KDF1: variants seen among roughly 807,000 people sequenced by gnomAD.
KDF1 encodes the protein keratinocyte differentiation factor 1, also known as RP11-344H11.3.
A neutral mutation model predicts 31.6 loss-of-function variants in KDF1; 11 were observed. That is an observed-to-expected ratio of 0.35 (90% CI 0.22 to 0.58). KDF1 has a LOEUF of 0.58. KDF1 is among the 20% of genes least tolerant of loss of function. The pLI is 0.83. For missense variants in KDF1, 476 were observed against 549.1 expected (o/e 0.87, Z 1.33); for synonymous variants, 205 against 214.4 (o/e 0.96, Z 0.38).
Position 26,950,262 on chromosome 1 carries a change from G to T in KDF1, c.1115-111C>A. 1 of 1,002,064 alleles carries T rather than the reference G, an allele frequency of 1.0e-6. No individual in the cohort carries two copies. Among genetic ancestry groups the T allele is most frequent in the Admixed American group, 1.9e-5 (1 of 52,412 alleles). 62.1% of individuals were successfully genotyped at this position (1,002,064 alleles called of 1,614,324 possible). A position where few individuals can be genotyped will look rare whatever the true frequency, so the allele number is the denominator to read the frequency against. ...AGGAGCAGAGTGGGACTTGAGCCTG[G>T]GTCAGTCTGATCCTGGCTGGATGAC... On this transcript the variant is annotated intron_variant, in intron 3 of 3. Transcript: ENST00000320567. This position sits in a 1 kb window ranked among gnomAD's most constrained non-coding sequence, Gnocchi z 4.0.
At chr1:26,954,864 C>CT (rs1253011497) in intron 1 of KDF1, among the ~76,000 whole-genome samples, 90 of 133,728 alleles carry the variant, frequency 6.7e-4, no homozygotes, top group East Asian at 1.8e-3. Flanking sequence ...AATAAGTTAC[C>CT]TTTTTTTTTT....
intron 1 of KDF1, among the ~76,000 whole-genome samples, chr1:26,959,740 C>T (rs2124166550): frequency 6.6e-6 from 1 of 152,244 alleles, no homozygotes; most frequent in African/African-American, 2.4e-5. Flanking sequence ...AGGACAGGCC[C>T]GGCCGCACCA....
chr1:26,959,701 A>G (rs1377536740), intron 1 of KDF1, among the ~76,000 whole-genome samples: 1 of 151,582 alleles, frequency 6.6e-6, no homozygotes, highest in Non-Finnish European at 1.5e-5. Context: ...TCAAGGGTCT[A>G]TGTACCGTCC....
intron 1 of KDF1, among the ~76,000 whole-genome samples, chr1:26,957,664 T>A (rs2082383022): frequency 6.6e-6 from 1 of 152,116 alleles, no homozygotes; most frequent in African/African-American, 2.4e-5. Flanking sequence ...CCAAATAAAA[T>A]TCTAACAGGT....
chr1:26,952,697 T>C lies in KDF1; in HGVS notation c.-32-285A>G, dbSNP rs1214579907. On this transcript the variant is annotated intron_variant, in intron 1 of 3. Transcript: ENST00000320567. This position sits in a 1 kb window ranked among gnomAD's most constrained non-coding sequence, Gnocchi z 4.1. ...TGGGATGGCTATGAAAGGTTGAACA[T>C]TGGCCGGGCGTGGTGGCTCACGCCT... Among the ~76,000 whole-genome samples the C allele has an allele frequency of 1.3e-5, 2 of 152,162 alleles. No individual in the cohort carries two copies. The highest frequency in any genetic ancestry group is 1.9e-4 in the East Asian group (1 of 5,198).
Position 26,950,128 on chromosome 1 carries a change from A to G in KDF1, c.1138T>C (p.Ser380Pro), listed in dbSNP as rs201399957. Residue 380 changes from serine (S) to proline (P), a missense_variant, in exon 4 of 4, where the codon TCC (serine) becomes CCC (proline). Transcript: ENST00000320567. The surrounding 1 kb of genome is among the most constrained non-coding windows in gnomAD (Gnocchi z 4.0). ...GAGTCTGTGTCGGTGCCCTGGAAGGATGAGTCATGGCTTGCTGGGTACCCT... is the reference window on the plus strand; with the variant it reads ...GAGTCTGTGTCGGTGCCCTGGAAGGGTGAGTCATGGCTTGCTGGGTACCCT... Reference protein sequence around the residue: ...APGYPASHDSSFQGTDTDSSG... With the variant: ...APGYPASHDSPFQGTDTDSSG... 2.0e-4 allele frequency: 321 copies of G among 1,613,674 alleles called. No individual in the cohort carries two copies. The highest frequency in any genetic ancestry group is 2.6e-4 in the Non-Finnish European group (308 of 1,179,816).
At position 26,950,027 on chromosome 1, in the gene KDF1, T is replaced by G; in HGVS notation, c.*42A>C. 6.4e-7 allele frequency: 1 copy of G among 1,571,768 alleles called. No homozygotes were observed. The highest frequency in any genetic ancestry group is 1.1e-5 in the South Asian group (1 of 90,066). ...GTCCCCCTCTTCATTCTGTAGGCCA[T>G]GCTTCTCCCAGAAAGGGTGTGGCAG... On this transcript the variant is annotated 3_prime_UTR_variant, in exon 4 of 4. Transcript: ENST00000320567. This position sits in a 1 kb window ranked among gnomAD's most constrained non-coding sequence, Gnocchi z 4.0.
intron 1 of KDF1, among the ~76,000 whole-genome samples, chr1:26,954,228 T>G (rs2082366329): frequency 6.6e-6 from 1 of 151,188 alleles, no homozygotes; most frequent in Non-Finnish European, 1.5e-5. Flanking sequence ...AAATATGTTT[T>G]TTTTTTTTTT....
In KDF1 at chr1:26,950,664, A is replaced by G. The variant is rs1259690837; in HGVS notation, c.1114+18T>C. 9 of 1,585,170 alleles carry G rather than the reference A, an allele frequency of 5.7e-6. No homozygotes were observed. Among genetic ancestry groups the G allele is most frequent in the Non-Finnish European group, 6.9e-6 (8 of 1,154,378 alleles). ...TAGTCCCCCACCCTCCACACCCCTC[A>G]TTAGGTCAAGACCACACCTGGAGCT... On this transcript the variant is annotated intron_variant, in intron 3 of 3. Transcript: ENST00000320567. This position sits in a 1 kb window ranked among gnomAD's most constrained non-coding sequence, Gnocchi z 4.0.
At chr1:26,957,734 A>C (rs1215613293) in intron 1 of KDF1, among the ~76,000 whole-genome samples, 1 of 152,176 alleles carries the variant, frequency 6.6e-6, no homozygotes, top group African/African-American at 2.4e-5. Flanking sequence ...TTAGTTTGAG[A>C]AATGTGGGGT....
chr1:26,958,324 T>C (rs1441424498), intron 1 of KDF1, among the ~76,000 whole-genome samples: 2 of 151,710 alleles, frequency 1.3e-5, no homozygotes, highest in African/African-American at 4.8e-5. Context: ...TTAGTAGAGA[T>C]GGGGTTTCAC....
Position 26,960,049 on chromosome 1 carries a change from G to A in KDF1, c.-33+301C>T, listed in dbSNP as rs577654810. 3.3e-5 allele frequency among the ~76,000 whole-genome samples: 5 copies of A among 152,252 alleles called. No individual in the cohort carries two copies. The highest frequency in any genetic ancestry group is 4.1e-4 in the South Asian group (2 of 4,830). On this transcript the variant is annotated intron_variant, in intron 1 of 3. Transcript: ENST00000320567. The surrounding 1 kb of genome is among the most constrained non-coding windows in gnomAD (Gnocchi z 4.9). ...GACCCAGCCTCCCTCCCGTCCCGAC[G>A]CTGTTCCTCGGGGTGAGCACCAGCG...
At chr1:26,953,277 A>G (rs1006556813) in intron 1 of KDF1, among the ~76,000 whole-genome samples, 2 of 152,232 alleles carry the variant, frequency 1.3e-5, no homozygotes, top group Non-Finnish European at 2.9e-5. Context: ...AGTGTTGGCA[A>G]TAATGTGGAA....
At position 26,951,092 on chromosome 1, in the gene KDF1, T is replaced by C. The variant is rs1043200019; in HGVS notation, c.1039+250A>G. On this transcript the variant is annotated intron_variant, in intron 2 of 3. Transcript: ENST00000320567. The surrounding 1 kb of genome is among the most constrained non-coding windows in gnomAD (Gnocchi z 5.4). ...TGAATGCAGAGGGAACCTTGACCTT[T>C]CTGGGGACAGCAGCGATGGCCAGAG... Among the ~76,000 whole-genome samples, 3 of 152,162 alleles carry C rather than the reference T, an allele frequency of 2.0e-5. No homozygotes were observed. The highest frequency in any genetic ancestry group is 4.8e-5 in the African/African-American group (2 of 41,430).
rs370198466 is a variant in KDF1 at position 26,951,802 on chromosome 1, G to A, written c.579C>T (p.Ala193=). The A allele has an allele frequency of 2.2e-4, 357 of 1,613,966 alleles. 2 individuals are homozygous for A. Among genetic ancestry groups the A allele is most frequent in the Admixed American group, 4.5e-4 (27 of 60,004 alleles). ...DADSCCKEPL[A]DPPPMRHSLP... is the part of the protein sequence containing the mutation. ...GGCTGTGTCGCATGGGTGGGGGATC[G>A]GCCAGTGGCTCCTTGCAGCAGGAGT... Residue 193 remains alanine (A), a synonymous_variant, in exon 2 of 4, where the codon GCC becomes GCT. Coordinates refer to ENST00000320567, the MANE Select transcript of KDF1 (RefSeq NM_152365.3). The surrounding 1 kb of genome is among the most constrained non-coding windows in gnomAD (Gnocchi z 5.4).
chr1:26,950,127 G>T lies in KDF1; in HGVS notation c.1139C>A (p.Ser380Tyr). The change falls in exon 4 of 4, where the codon TCC becomes TAC. Residue 380 changes from serine (S) to tyrosine (Y), a missense_variant. Around this residue, in one of 2 missense-constraint regions of KDF1, gnomAD observed 146 missense variants for 216.8 expected, o/e 0.67. Coordinates refer to ENST00000320567, the MANE Select transcript of KDF1 (RefSeq NM_152365.3). This position sits in a 1 kb window ranked among gnomAD's most constrained non-coding sequence, Gnocchi z 4.0. ...CGAGTCTGTGTCGGTGCCCTGGAAG[G>T]ATGAGTCATGGCTTGCTGGGTACCC... ...APGYPASHDS[S>Y]FQGTDTDSSG... 1 of 1,613,916 alleles carries T rather than the reference G, an allele frequency of 6.2e-7. No individual in the cohort carries two copies. Among genetic ancestry groups the T allele is most frequent in the South Asian group, 1.1e-5 (1 of 91,086 alleles).
intron 1 of KDF1, among the ~76,000 whole-genome samples, chr1:26,959,147 G>C (rs1031544454): frequency 1.3e-5 from 2 of 152,220 alleles, no homozygotes; most frequent in Admixed American, 6.5e-5. Flanking sequence ...GATTTGCACT[G>C]TGGCCCGCCA....
In KDF1 at chr1:26,949,819, C is replaced by A. The variant is rs747405419; in HGVS notation, c.*250G>T. Reference sequence around the variant, plus strand: ...AACTCCTTACTTTCCATGATCAGGCCACCTGAAGACCATGAGCAGGAAGGA... The same window carrying A: ...AACTCCTTACTTTCCATGATCAGGCAACCTGAAGACCATGAGCAGGAAGGA... On this transcript the variant is annotated 3_prime_UTR_variant, in exon 4 of 4. Coordinates refer to ENST00000320567, the MANE Select transcript of KDF1 (RefSeq NM_152365.3). 55 of 454,874 alleles carry A rather than the reference C, an allele frequency of 1.2e-4. No individual in the cohort carries two copies. Among genetic ancestry groups the A allele is most frequent in the Non-Finnish European group, 1.9e-4 (47 of 247,052 alleles). 28.2% of individuals were successfully genotyped at this position (454,874 alleles called of 1,614,324 possible).
At chr1:26,954,857 A>T (rs2082369866) in intron 1 of KDF1, among the ~76,000 whole-genome samples, 2 of 145,140 alleles carry the variant, frequency 1.4e-5, no homozygotes, top group African/African-American at 5.1e-5. Flanking sequence ...AAAAGTTAAT[A>T]AGTTACCTTT....
Sources: gnomAD v4.1 joint callset for allele counts (sites outside exome capture counted in the v4.1 genomes callset) on GRCh38, gnomAD v4.1.1 for gene constraint, gnomAD v4.1.1 regional missense constraint, Gnocchi (gnomAD v3.1) non-coding constraint, MANE v1.5 for transcripts, NCBI Gene and HGNC (gene_info 2026-07-23, HGNC 2026-07-21) for gene names.